The following SNX29 variants were observed in gnomAD, a reference collection of about 807,000 sequenced individuals.
The protein encoded by SNX29 is sorting nexin-29.
A neutral mutation model predicts 102.1 loss-of-function variants in SNX29; 78 were observed. The observed-to-expected ratio is 0.76, with a 90% CI of 0.64 to 0.92. SNX29 has a LOEUF of 0.92. SNX29 is among the 40% of genes least tolerant of loss of function. SNX29 has a pLI of 0.00. For missense variants in SNX29, 1,280 were observed against 1,061.7 expected, an observed-to-expected ratio of 1.21 and a Z score of -2.86; for synonymous variants, 580 against 414.5, an observed-to-expected ratio of 1.40 and a Z score of -4.85.
chr16:12,186,216 A>G (rs1204219734), intron 13 of SNX29, among the ~76,000 whole-genome samples: 1 of 152,176 alleles, frequency 6.6e-6, no homozygotes, highest in Non-Finnish European at 1.5e-5. Flanking sequence ...CAGTTTCTAA[A>G]GGAACTTCTT....
At chr16:12,407,780 A>G (rs1411437935) in intron 18 of SNX29, among the ~76,000 whole-genome samples, 3 of 152,224 alleles carry the variant, frequency 2.0e-5, no homozygotes, top group Admixed American at 2.0e-4. Flanking sequence ...GTCTTTAGAG[A>G]TTCTGTGTTA....
At chr16:12,155,622 G>C (rs1045365175) in intron 13 of SNX29, among the ~76,000 whole-genome samples, 1 of 152,206 alleles carries the variant, frequency 6.6e-6, no homozygotes, top group Non-Finnish European at 1.5e-5. Flanking sequence ...GCTGCCTCTT[G>C]AGGGCAGACT....
chr16:12,145,008 G>C (rs930009816), intron 13 of SNX29, among the ~76,000 whole-genome samples: 1 of 152,146 alleles, frequency 6.6e-6, no homozygotes, highest in Admixed American at 6.6e-5. Context: ...GGCGTGAGCC[G>C]CTGCGCCCGG....
chr16:12,394,543 G>A (rs531692754), intron 16 of SNX29, among the ~76,000 whole-genome samples: 1 of 152,290 alleles, frequency 6.6e-6, no homozygotes, highest in South Asian at 2.1e-4. Flanking sequence ...GGGCCGACTG[G>A]GCTCAGCTGG....
intron 20 of SNX29, among the ~76,000 whole-genome samples, chr16:12,568,060 A>C (rs2079086776): frequency 6.6e-6 from 1 of 152,144 alleles, no homozygotes; most frequent in South Asian, 2.1e-4. Context: ...TTATTTTCTT[A>C]GGATTAATTC....
chr16:11,978,374 C>T (rs2055347739), intron 1 of SNX29, among the ~76,000 whole-genome samples: 2 of 152,218 alleles, frequency 1.3e-5, no homozygotes, highest in Admixed American at 6.5e-5. Context: ...GCCACATAAA[C>T]CTGTGTTATT....
intron 15 of SNX29, among the ~76,000 whole-genome samples, chr16:12,346,296 G>A (rs749770545): frequency 6.6e-6 from 1 of 152,142 alleles, no homozygotes; most frequent in Non-Finnish European, 1.5e-5. Flanking sequence ...ACTTCTGCTG[G>A]TGCCTCTTTA....
chr16:12,320,444 A>T (rs1226116509), intron 15 of SNX29, among the ~76,000 whole-genome samples: 1 of 152,152 alleles, frequency 6.6e-6, no homozygotes, highest in East Asian at 1.9e-4. Context: ...TGAAGACAGG[A>T]AGCGCTCAGC....
intron 20 of SNX29, among the ~76,000 whole-genome samples, chr16:12,538,421 G>C (rs1295233452): frequency 2.6e-5 from 4 of 152,172 alleles, no homozygotes; most frequent in Admixed American, 1.3e-4. Context: ...ATGTCTGGGA[G>C]TAATAACTGA....
At chr16:12,159,024 C>T (rs886203796) in intron 13 of SNX29, among the ~76,000 whole-genome samples, 5 of 152,192 alleles carry the variant, frequency 3.3e-5, no homozygotes, top group African/African-American at 1.2e-4. Context: ...TAGATGAGCC[C>T]TTCTGGAATT....
intron 14 of SNX29, among the ~76,000 whole-genome samples, chr16:12,206,446 T>G (rs568439564): frequency 1.4e-4 from 21 of 146,252 alleles, no homozygotes; most frequent in African/African-American, 5.3e-4. Flanking sequence ...GTGTTGTAAA[T>G]CCTCCTTCTA....
chr16:12,448,579 G>C (rs2086166577), intron 18 of SNX29, among the ~76,000 whole-genome samples: 1 of 151,964 alleles, frequency 6.6e-6, no homozygotes, highest in African/African-American at 2.4e-5. Flanking sequence ...GCATACTAAA[G>C]GTTCTGAGAA....
intron 18 of SNX29, among the ~76,000 whole-genome samples, chr16:12,432,566 C>T (rs1291533844): frequency 2.0e-5 from 3 of 152,156 alleles, no homozygotes; most frequent in Admixed American, 1.3e-4. Context: ...GGAAGCAGAG[C>T]CAGGGAACAG....
intron 14 of SNX29, among the ~76,000 whole-genome samples, chr16:12,271,881 C>T (rs1204859042): frequency 6.6e-6 from 1 of 152,144 alleles, no homozygotes; most frequent in African/African-American, 2.4e-5. Flanking sequence ...CCTTAGCCTC[C>T]CGAAGTGCTG....
intron 11 of SNX29, among the ~76,000 whole-genome samples, chr16:12,092,191 C>T (rs895763601): frequency 6.6e-6 from 1 of 152,154 alleles, no homozygotes; most frequent in African/African-American, 2.4e-5. Context: ...GGGATACAAG[C>T]TCCCTGAGTA....
chr16:12,509,653 T>TTTG (rs1567635874), intron 19 of SNX29, among the ~76,000 whole-genome samples: 9 of 152,214 alleles, frequency 5.9e-5, no homozygotes, highest in Non-Finnish European at 8.8e-5. Context: ...GGGTAGTGGC[T>TTTG]TACACCTGTA....
At chr16:11,996,062 A>G (rs1005483353) in intron 1 of SNX29, among the ~76,000 whole-genome samples, 1 of 142,482 alleles carries the variant, frequency 7.0e-6, no homozygotes, top group African/African-American at 2.6e-5. Flanking sequence ...TCCGTCTCAG[A>G]AAAAAAAAAA....
chr16:12,415,331 G>A (rs1393668116), intron 18 of SNX29, among the ~76,000 whole-genome samples: 1 of 152,178 alleles, frequency 6.6e-6, no homozygotes, highest in Non-Finnish European at 1.5e-5. Flanking sequence ...CACTCGGCAG[G>A]ATTGCCTTGG....
At chr16:12,567,935 T>G (rs2079080730) in intron 20 of SNX29, among the ~76,000 whole-genome samples, 2 of 152,214 alleles carry the variant, frequency 1.3e-5, no homozygotes, top group Admixed American at 6.5e-5. Flanking sequence ...GTGTTCGCGT[T>G]GCTTCAGAAC....
Sources: allele counts gnomAD v4.1 joint callset (sites outside exome capture counted in the v4.1 genomes callset), GRCh38; gene constraint gnomAD v4.1.1; transcripts MANE v1.5; gene names NCBI Gene and HGNC (gene_info 2026-07-23, HGNC 2026-07-21).